KDM5B: variants seen among roughly 807,000 people sequenced by gnomAD.
KDM5B encodes the protein lysine-specific demethylase 5B.
A neutral mutation model predicts 193.4 loss-of-function variants in KDM5B; 144 were observed. The observed-to-expected ratio is 0.74, with a 90% CI of 0.65 to 0.86. The LOEUF is 0.86. Ranked by LOEUF, KDM5B falls within the 40% of genes least tolerant of loss-of-function variation. KDM5B has a pLI of 0.00. For synonymous variants in KDM5B, 668 were observed against 682.6 expected, an observed-to-expected ratio of 0.98 and a Z score of 0.33; for missense variants, 1,833 against 1,886.9, an observed-to-expected ratio of 0.97 and a Z score of 0.53.
At chr1:202,743,629 C>G (rs1655440353) in intron 16 of KDM5B, among the ~76,000 whole-genome samples, 1 of 152,122 alleles carries the variant, frequency 6.6e-6, no homozygotes, top group African/African-American at 2.4e-5. Flanking sequence ...GAGAAATGGA[C>G]TGGTACAAAA....
intron 1 of KDM5B, chr1:202,796,377 G>C (rs1168510137): frequency 1.4e-5 from 4 of 277,398 alleles, no homozygotes; most frequent in African/African-American, 2.3e-5. Flanking sequence ...AGGGCACCAG[G>C]ACCCTGTGGA....
At chr1:202,729,684 T>G in intron 26 of KDM5B, 23 bp downstream of exon 26, 1 of 1,598,074 alleles carries the variant, frequency 6.3e-7, no homozygotes, top group South Asian at 1.1e-5. Context: ...AAGCACGTCC[T>G]CTATGGCCCA....
intron 1 of KDM5B, among the ~76,000 whole-genome samples, chr1:202,783,274 A>T (rs1358038605): frequency 6.6e-6 from 1 of 152,090 alleles, no homozygotes; most frequent in Non-Finnish European, 1.5e-5. Flanking sequence ...TCTAACAAGA[A>T]AAGAAGAGAA....
At chr1:202,778,989 G>C (rs1009122162) in intron 1 of KDM5B, among the ~76,000 whole-genome samples, 9 of 152,096 alleles carry the variant, frequency 5.9e-5, no homozygotes, top group Non-Finnish European at 1.2e-4. Context: ...GGCGGAACAG[G>C]CTTTACAGTA....
intron 7 of KDM5B, 137 bp from the exon 8 acceptor site, chr1:202,760,710 A>T: frequency 2.0e-6 from 1 of 505,160 alleles, no homozygotes; most frequent in Non-Finnish European, 3.4e-6. Context: ...TCTATAAGGG[A>T]TATTTTAAAT....
chr1:202,743,351 A>C (rs1290293285), intron 16 of KDM5B, among the ~76,000 whole-genome samples: 2 of 151,590 alleles, frequency 1.3e-5, no homozygotes, highest in South Asian at 2.1e-4. Flanking sequence ...AAAAAAAAAA[A>C]AAAAAAAAAA....
chr1:202,780,782 C>A, intron 1 of KDM5B, among the ~76,000 whole-genome samples: 1 of 129,716 alleles, frequency 7.7e-6, no homozygotes. Flanking sequence ...CAGCTTTTGC[C>A]ATTACTAAAA....
At chr1:202,780,489 C>T (rs769878911) in intron 1 of KDM5B, among the ~76,000 whole-genome samples, 5 of 151,964 alleles carry the variant, frequency 3.3e-5, no homozygotes, top group African/African-American at 4.8e-5. Flanking sequence ...TGCGCCTGGC[C>T]ATGACCCAGC....
chr1:202,776,242 A>G (rs780021753), intron 2 of KDM5B: 10 of 152,016 alleles, frequency 6.6e-5, no homozygotes, highest in African/African-American at 2.4e-4. Flanking sequence ...AAAAAGTAAA[A>G]ATTTTAATTG....
chr1:202,736,197 C>CT lies in KDM5B; in HGVS notation c.3264+15dup. On this transcript the variant is annotated intron_variant, in intron 21 of 26. Transcript: ENST00000367265. ...GGAGATCTAAGGTCTTGCAGATGAG[C>CT]TGGTTGTAAACTTACCTCTAAGAGA... is the stretch of plus-strand genomic sequence containing the variant. 6.6e-7 allele frequency: 1 copy of CT among 1,512,738 alleles called. No individual in the cohort carries two copies. The highest frequency in any genetic ancestry group is 8.9e-7 in the Non-Finnish European group (1 of 1,126,786). 93.7% of individuals were successfully genotyped at this position (1,512,738 alleles called of 1,614,324 possible). A position where few individuals can be genotyped will look rare whatever the true frequency, so the allele number is the denominator to read the frequency against.
intron 12 of KDM5B, among the ~76,000 whole-genome samples, chr1:202,751,783 T>A (rs1655801463): frequency 6.6e-6 from 1 of 152,156 alleles, no homozygotes; most frequent in South Asian, 2.1e-4. Flanking sequence ...TCTCTGTAGG[T>A]CCAGAATCTA....
At position 202,750,780 on chromosome 1, in the gene KDM5B, TAA is replaced by T. The variant is rs1655758449; in HGVS notation, c.1702-4_1702-3del. 2.6e-5 allele frequency: 42 copies of T among 1,611,424 alleles called. No individual in the cohort carries two copies. Among genetic ancestry groups the T allele is most frequent in the Non-Finnish European group, 3.5e-5 (41 of 1,178,838 alleles). On this transcript the variant is annotated splice_polypyrimidine_tract_variant and splice_region_variant and intron_variant, in intron 12 of 26. Coordinates refer to ENST00000367265, the MANE Select transcript of KDM5B (RefSeq NM_006618.5). ...AGCACACTGATTAGTTCGGTAAACC[TAA>T]AGAGACAGAAATTGAAGATTTTTGA...
intron 2 of KDM5B, 82 bp from the exon 3 acceptor site, chr1:202,774,817 A>G: frequency 7.2e-7 from 1 of 1,391,026 alleles, no homozygotes; most frequent in Non-Finnish European, 1.0e-6. Flanking sequence ...CTTTCACAGA[A>G]TATTTAAGTA....
Position 202,735,480 on chromosome 1 carries a change from A to G in KDM5B, c.3372T>C (p.Ser1124=). 4 of 1,613,866 alleles carry G rather than the reference A, an allele frequency of 2.5e-6. No individual in the cohort carries two copies. The highest frequency in any genetic ancestry group is 8.5e-7 in the Non-Finnish European group (1 of 1,179,936). Residue 1124 remains serine, a synonymous_variant, in exon 22 of 27, where the codon AGT becomes AGC. Transcript: ENST00000367265. ...NGKKKSTKLE[S]LSDLERALTE... ...TTAAAGCTCTCTCCAGGTCACTCAG[A>G]CTCTCTAATTTGGTGCTTTTTTTCT... is the stretch of plus-strand genomic sequence containing the variant.
chr1:202,771,866 C>T (rs1656733448), intron 4 of KDM5B, among the ~76,000 whole-genome samples: 1 of 152,192 alleles, frequency 6.6e-6, no homozygotes, highest in African/African-American at 2.4e-5. Flanking sequence ...AGGCGTGAGC[C>T]ATCGCGCCCG....
chr1:202,773,824 G>C (rs556413174), intron 3 of KDM5B, among the ~76,000 whole-genome samples: 1 of 149,758 alleles, frequency 6.7e-6, no homozygotes. Context: ...TGCAACCTCC[G>C]CCTCCTGGAT....
chr1:202,763,647 A>G (rs1174913504), intron 6 of KDM5B, among the ~76,000 whole-genome samples: 1 of 152,240 alleles, frequency 6.6e-6, no homozygotes, highest in African/African-American at 2.4e-5. Flanking sequence ...GCAATTAACC[A>G]CAATTCAGAT....
chr1:202,740,871 GT>G, intron 19 of KDM5B, 59 bp from the exon 20 acceptor site: 1 of 1,510,052 alleles, frequency 6.6e-7, no homozygotes, highest in Non-Finnish European at 8.9e-7. Context: ...TTTTCTTATG[GT>G]TACCAAAAAA....
chr1:202,778,951 T>C (rs533604949), intron 1 of KDM5B, among the ~76,000 whole-genome samples: 225 of 152,160 alleles, frequency 1.5e-3, no homozygotes, highest in African/African-American at 5.1e-3. Context: ...GTGGGAAGAT[T>C]TTCCCTATAT....
Sources: gnomAD v4.1 joint callset for allele counts (sites outside exome capture counted in the v4.1 genomes callset) on GRCh38, gnomAD v4.1.1 for gene constraint, MANE v1.5 for transcripts, NCBI Gene and HGNC (gene_info 2026-07-23, HGNC 2026-07-21) for gene names.